RIMS2: variants seen among roughly 807,000 people sequenced by gnomAD.
The protein encoded by RIMS2 is regulating synaptic membrane exocytosis 2.
RIMS2 carries 59 observed loss-of-function variants against 174.4 expected under a neutral mutation model. The ratio of observed to expected loss-of-function variants is 0.34; its 90% CI spans 0.27 to 0.42. RIMS2 has a LOEUF of 0.42. RIMS2 is among the 10% of genes least tolerant of loss of function. RIMS2 has a pLI of 1.00. For synonymous variants in RIMS2, 606 were observed against 572.5 expected (o/e 1.06, Z -0.84); for missense variants, 1,620 against 1,666.3 (o/e 0.97, Z 0.48).
intron 17 of RIMS2, among the ~76,000 whole-genome samples, chr8:103,994,551 T>G (rs2094945720): frequency 6.6e-6 from 1 of 152,198 alleles, no homozygotes; most frequent in South Asian, 2.1e-4. Context: ...TAATGTCCAT[T>G]AATTTTGGAA....
intron 19 of RIMS2, among the ~76,000 whole-genome samples, chr8:104,209,312 A>G (rs1222701585): frequency 6.6e-6 from 1 of 152,238 alleles, no homozygotes; most frequent in Non-Finnish European, 1.5e-5. Context: ...TAATGGAAAT[A>G]GACTCTCTCA....
intron 1 of RIMS2, among the ~76,000 whole-genome samples, chr8:103,509,645 T>C (rs1262827706): frequency 1.3e-5 from 2 of 152,106 alleles, no homozygotes; most frequent in Admixed American, 1.3e-4. Context: ...AGATAAATTT[T>C]ATTGGGTTTT....
intron 4 of RIMS2, among the ~76,000 whole-genome samples, chr8:103,904,351 G>C (rs578135644): frequency 6.6e-6 from 1 of 151,840 alleles, no homozygotes; most frequent in African/African-American, 2.4e-5. Context: ...TCCACTTTTT[G>C]CCTGTTATAA....
In RIMS2 at chr8:104,041,582, T is replaced by C. The variant is rs1178698856; in HGVS notation, c.3334+26967T>C. On this transcript the variant is annotated intron_variant, in intron 19 of 23. Coordinates refer to ENST00000504942, the Ensembl canonical transcript of RIMS2. The stretch of plus-strand genomic sequence containing the variant: ...AAATAATTAATTTTTATGTAATATG[T>C]ATAGATGTAATTTTTCCATAAACTG... 2.0e-5 allele frequency among the ~76,000 whole-genome samples: 3 copies of C among 151,654 alleles called. No homozygotes were observed. The East Asian group carries it at 5.8e-4, about 29-fold the overall frequency.
chr8:103,502,149 A>G (rs889456992), intron 1 of RIMS2, among the ~76,000 whole-genome samples: 11 of 152,212 alleles, frequency 7.2e-5, no homozygotes, highest in Admixed American at 1.3e-4. Flanking sequence ...TTTGTCAAGT[A>G]TACGTTTCCC....
chr8:103,996,632 G>T (rs1473169441), intron 17 of RIMS2, among the ~76,000 whole-genome samples: 2 of 151,908 alleles, frequency 1.3e-5, no homozygotes, highest in African/African-American at 4.8e-5. Flanking sequence ...CACTCATATA[G>T]GTGAGAGACC....
intron 1 of RIMS2, among the ~76,000 whole-genome samples, chr8:103,669,643 A>T (rs1353048686): frequency 1.3e-5 from 2 of 152,236 alleles, no homozygotes; most frequent in Non-Finnish European, 2.9e-5. Flanking sequence ...TACAGGCCCC[A>T]TGCAAGTCTG....
chr8:104,201,756 T>C (rs543394984), intron 19 of RIMS2, among the ~76,000 whole-genome samples: 1 of 152,298 alleles, frequency 6.6e-6, no homozygotes, highest in African/African-American at 2.4e-5. Flanking sequence ...TTGAACGAGT[T>C]ATAATTCCAT....
At chr8:103,909,198 A>G (rs1287000731) in intron 4 of RIMS2, among the ~76,000 whole-genome samples, 1 of 152,124 alleles carries the variant, frequency 6.6e-6, no homozygotes, top group Admixed American at 6.5e-5. Context: ...TACCCTTTCA[A>G]GTAGAGCTTA....
intron 9 of RIMS2, among the ~76,000 whole-genome samples, chr8:103,919,754 A>C (rs920693752): frequency 1.3e-5 from 2 of 152,184 alleles, no homozygotes; most frequent in Non-Finnish European, 2.9e-5. Context: ...TGAATGCCAT[A>C]GCTCTATACT....
chr8:104,051,868 C>G (rs1423645585), intron 19 of RIMS2, among the ~76,000 whole-genome samples: 1 of 152,154 alleles, frequency 6.6e-6, no homozygotes, highest in Non-Finnish European at 1.5e-5. Flanking sequence ...ATGCAAAGCT[C>G]TTAGCACAAT....
intron 16 of RIMS2, among the ~76,000 whole-genome samples, chr8:103,979,530 A>G (rs1218331526): frequency 6.6e-6 from 1 of 152,242 alleles, no homozygotes; most frequent in Non-Finnish European, 1.5e-5. Flanking sequence ...GGGACAAAGC[A>G]AGATGGGGAA....
At chr8:103,832,590 A>G (rs142440312) in intron 3 of RIMS2, among the ~76,000 whole-genome samples, 23,901 of 152,020 alleles carry the variant, frequency 0.16, 1,978 homozygotes, top group Middle Eastern at 0.24. Flanking sequence ...CTATGTGTCC[A>G]TGTGTTCTCA....
chr8:103,626,450 C>T (rs1470449799), intron 1 of RIMS2, among the ~76,000 whole-genome samples: 1 of 152,000 alleles, frequency 6.6e-6, no homozygotes, highest in South Asian at 2.1e-4. Context: ...AGACTAACTG[C>T]AAAAATATGA....
chr8:103,933,864 A>T (rs1199372003), intron 12 of RIMS2, among the ~76,000 whole-genome samples: 1 of 152,024 alleles, frequency 6.6e-6, no homozygotes, highest in African/African-American at 2.4e-5. Context: ...TTTTTTGACA[A>T]TTTTTTTGAA....
At chr8:103,534,926 G>A (rs957188926) in intron 1 of RIMS2, among the ~76,000 whole-genome samples, 1 of 152,136 alleles carries the variant, frequency 6.6e-6, no homozygotes, top group Non-Finnish European at 1.5e-5. Flanking sequence ...ATTTAGGCCA[G>A]TAAAAAATAC....
intron 2 of RIMS2, among the ~76,000 whole-genome samples, chr8:103,726,566 C>G (rs1431263438): frequency 6.6e-6 from 1 of 151,478 alleles, no homozygotes; most frequent in Non-Finnish European, 1.5e-5. Context: ...GTGTTTTTTA[C>G]TGGGATCACA....
intron 14 of RIMS2, among the ~76,000 whole-genome samples, chr8:103,948,641 C>T (rs935627907): frequency 3.3e-5 from 5 of 152,026 alleles, no homozygotes; most frequent in African/African-American, 7.2e-5. Flanking sequence ...TCTATTGAGA[C>T]AGATTAAGTT....
chr8:104,244,124 C>T (rs1406380110), intron 19 of RIMS2, among the ~76,000 whole-genome samples: 1 of 152,188 alleles, frequency 6.6e-6, no homozygotes, highest in Non-Finnish European at 1.5e-5. Context: ...CCAGATAGTA[C>T]TTCCTATCTG....
Sources: gnomAD v4.1 joint callset for allele counts (sites outside exome capture counted in the v4.1 genomes callset) on GRCh38, gnomAD v4.1.1 for gene constraint, MANE v1.5 for transcripts, NCBI Gene and HGNC (gene_info 2026-07-23, HGNC 2026-07-21) for gene names.